Variants in IKZF2 observed in about 807,000 individuals in gnomAD.
IKZF2 encodes zinc finger protein Helios.
IKZF2 carries 15 observed loss-of-function variants against 49.2 expected under a neutral mutation model. That is an observed-to-expected ratio of 0.30 (90% confidence interval 0.20 to 0.47). The LOEUF (loss-of-function observed/expected upper bound fraction) is 0.47, where lower values mean the gene tolerates loss of function less well. Among genes scored for constraint, IKZF2 ranks in the 20% least tolerant of loss-of-function variants. IKZF2 has a pLI of 1.00. For missense variants in IKZF2, 567 were observed against 664.6 expected (o/e 0.85, Z 1.61); for synonymous variants, 227 against 221.4 (o/e 1.03, Z -0.23).
intron 6 of IKZF2, among the ~76,000 whole-genome samples, chr2:213,040,748 C>T (rs1699548236): frequency 6.6e-6 from 1 of 152,076 alleles, no homozygotes; most frequent in South Asian, 2.1e-4. Context: ...GAACTATAAT[C>T]ACCTATAAAA....
chr2:213,092,046 G>C (rs1443531317), intron 4 of IKZF2, among the ~76,000 whole-genome samples: 1 of 151,082 alleles, frequency 6.6e-6, no homozygotes, highest in Non-Finnish European at 1.5e-5. Context: ...CTATTTTTGA[G>C]ACAGGGTCTC....
At chr2:213,080,701 T>C (rs73990520) in intron 4 of IKZF2, among the ~76,000 whole-genome samples, 2,445 of 152,198 alleles carry the variant, frequency 0.016, 29 homozygotes, top group Admixed American at 0.029. Flanking sequence ...ACAACATTAA[T>C]CTTTAAATCA....
rs1376099292 is a variant in IKZF2, at chr2:213,002,105, T to C, written c.*5255A>G. 1 of 151,466 alleles carries C rather than the reference T, an allele frequency of 6.6e-6. No individual in the cohort carries two copies. The highest frequency in any genetic ancestry group is 1.5e-5 in the Non-Finnish European group (1 of 67,522). The allele number at this position is 151,466 out of a possible 1,614,324, so 9.4% of individuals were successfully genotyped here. On this transcript the variant is annotated 3_prime_UTR_variant, in exon 9 of 9. Transcript: ENST00000434687. ...CACTGCAAACTCATTTATTTGTACC[T>C]ATATGAACTTATATGCTGTACTTTA...
chr2:213,081,665 T>C (rs926687927), intron 4 of IKZF2, among the ~76,000 whole-genome samples: 2 of 152,276 alleles, frequency 1.3e-5, no homozygotes, highest in Admixed American at 1.3e-4. Context: ...GGGAATAACA[T>C]GTGCGAATGC....
intron 4 of IKZF2, among the ~76,000 whole-genome samples, chr2:213,143,834 C>G (rs1419758471): frequency 6.6e-6 from 1 of 151,880 alleles, no homozygotes; most frequent in Non-Finnish European, 1.5e-5. Context: ...CATAATAACT[C>G]TTCTATTTCT....
chr2:213,044,327 T>G (rs886624197), intron 6 of IKZF2, among the ~76,000 whole-genome samples: 6 of 152,224 alleles, frequency 3.9e-5, no homozygotes, highest in Admixed American at 2.6e-4. Context: ...TTGTGAATAT[T>G]TGTCTTTCAT....
intron 2 of IKZF2, among the ~76,000 whole-genome samples, chr2:213,149,728 A>G (rs559396519): frequency 2.3e-4 from 34 of 148,068 alleles, no homozygotes; most frequent in Admixed American, 6.0e-4. Context: ...TGTCTCCAAA[A>G]CCACTTCCCT....
chr2:213,032,710 C>T (rs1390346850), intron 6 of IKZF2, among the ~76,000 whole-genome samples: 1 of 152,200 alleles, frequency 6.6e-6, no homozygotes, highest in Non-Finnish European at 1.5e-5. Flanking sequence ...GTGATTGCAC[C>T]ACTGCACTGC....
At chr2:213,137,606 CAG>C (rs1185874312) in intron 4 of IKZF2, among the ~76,000 whole-genome samples, 1 of 151,982 alleles carries the variant, frequency 6.6e-6, no homozygotes. Flanking sequence ...TAAAAAGTAA[CAG>C]ATGTATTGAA....
intron 4 of IKZF2, among the ~76,000 whole-genome samples, chr2:213,106,288 T>C (rs2059524274): frequency 6.6e-6 from 1 of 152,086 alleles, no homozygotes; most frequent in Non-Finnish European, 1.5e-5. Flanking sequence ...TATTTTTCTG[T>C]TTAAGAGATC....
chr2:213,051,443 T>C (rs932974397), intron 5 of IKZF2, among the ~76,000 whole-genome samples: 2 of 151,946 alleles, frequency 1.3e-5, no homozygotes, highest in East Asian at 1.9e-4. Context: ...ATTGATAATA[T>C]TGGATTGAAA....
At chr2:213,133,697 C>G (rs2060550206) in intron 4 of IKZF2, among the ~76,000 whole-genome samples, 2 of 79,838 alleles carry the variant, frequency 2.5e-5, no homozygotes, top group South Asian at 7.9e-4. Flanking sequence ...TAGACTCCGT[C>G]TCGAAAAAAT....
chr2:213,019,223 TA>T (rs1442395090), intron 7 of IKZF2, among the ~76,000 whole-genome samples: 1 of 152,202 alleles, frequency 6.6e-6, no homozygotes, highest in Non-Finnish European at 1.5e-5. Context: ...CTATGTCAGA[TA>T]TTTTTTAAAA....
chr2:213,021,802 C>G (rs1321008322), intron 7 of IKZF2, 191 bp downstream of exon 7: 3 of 631,740 alleles, frequency 4.7e-6, no homozygotes, highest in Non-Finnish European at 8.2e-6. Context: ...TATGCTAATT[C>G]AAACATTATC....
At chr2:213,024,409 G>A (rs766696668) in intron 6 of IKZF2, among the ~76,000 whole-genome samples, 11 of 152,098 alleles carry the variant, frequency 7.2e-5, no homozygotes, top group South Asian at 2.1e-4. Context: ...GTGCCTATCC[G>A]TATGCAACTG....
At chr2:213,112,354 T>G (rs6725645) in intron 4 of IKZF2, among the ~76,000 whole-genome samples, 1 of 101,494 alleles carries the variant, frequency 9.9e-6, no homozygotes, top group South Asian at 2.8e-4. Flanking sequence ...AAAAATATAT[T>G]TTTATTGCAA....
rs3217488 is a variant in IKZF2 at position 213,150,455 on chromosome 2, CCCTCCT to C, written c.-119-214_-119-209del. 1.5e-4 allele frequency: 27 copies of C among 186,196 alleles called. 1 individual carries two copies. Among genetic ancestry groups the C allele is most frequent in the East Asian group, 5.7e-4 (4 of 7,008 alleles). The allele number at this position is 186,196 out of a possible 1,614,324, so 11.5% of individuals were successfully genotyped here. A position where few individuals can be genotyped will look rare whatever the true frequency, so the allele number is the denominator to read the frequency against. ...CAAGAAATGAGAGAGAAGAACACCCCCCTCCTCCTCCTCCTCCTCCTCGTCCTCCTC... is the reference window on the plus strand; with the variant it reads ...CAAGAAATGAGAGAGAAGAACACCCCCCTCCTCCTCCTCCTCGTCCTCCTC... On this transcript the variant is annotated intron_variant, in intron 1 of 8. Coordinates refer to ENST00000434687, the MANE Select transcript of IKZF2 (RefSeq NM_001387220.1).
chr2:213,049,917 G>C (rs775983571), intron 5 of IKZF2, 37 bp from the exon 6 acceptor site: 8 of 1,436,192 alleles, frequency 5.6e-6, no homozygotes, highest in African/African-American at 1.4e-5. Context: ...TATCAACTAG[G>C]GTATGTGCAA....
chr2:213,011,542 T>C (rs190619382), intron 8 of IKZF2, among the ~76,000 whole-genome samples: 8 of 152,134 alleles, frequency 5.3e-5, no homozygotes, highest in African/African-American at 1.9e-4. Flanking sequence ...TCCTATAGAA[T>C]TGGTAATATT....
Sources: gnomAD v4.1 joint callset for allele counts (sites outside exome capture counted in the v4.1 genomes callset) on GRCh38, gnomAD v4.1.1 for gene constraint, MANE v1.5 for transcripts, NCBI Gene and HGNC (gene_info 2026-07-23, HGNC 2026-07-21) for gene names.